The following ZNF385D variants were observed in gnomAD, a reference collection of about 807,000 sequenced individuals.
ZNF385D encodes zinc finger protein 385D, also known as zinc finger protein 659.
A neutral mutation model predicts 35.8 loss-of-function variants in ZNF385D; 15 were observed. The ratio of observed to expected loss-of-function variants is 0.42; its 90% CI spans 0.28 to 0.64. The LOEUF is 0.64. ZNF385D is among the 30% of genes least tolerant of loss of function. The pLI is 0.23. For missense variants in ZNF385D, 474 were observed against 494.6 expected (o/e 0.96, Z 0.39); for synonymous variants, 212 against 186.8 (o/e 1.13, Z -1.10).
At chr3:21,536,153 A>C (rs2062031941) in intron 3 of ZNF385D, among the ~76,000 whole-genome samples, 1 of 152,054 alleles carries the variant, frequency 6.6e-6, no homozygotes, top group African/African-American at 2.4e-5. Context: ...TCGTTTTACT[A>C]TTTCCCTAGC....
At chr3:21,941,714 G>A (rs779559437) in intron 3 of ZNF385D, among the ~76,000 whole-genome samples, 2 of 151,768 alleles carry the variant, frequency 1.3e-5, no homozygotes, top group African/African-American at 4.8e-5. Flanking sequence ...AGCTAGGATG[G>A]TCTCGATCTC....
At chr3:22,319,564 T>C (rs1254255223) in intron 2 of ZNF385D, among the ~76,000 whole-genome samples, 2 of 152,132 alleles carry the variant, frequency 1.3e-5, no homozygotes, top group African/African-American at 4.8e-5. Flanking sequence ...AGATGTCTCA[T>C]TAAAATGCAT....
rs1351898411 is a variant in ZNF385D, at chr3:22,046,432, T to A, written c.325+122385A>T. Among the ~76,000 whole-genome samples the A allele has an allele frequency of 3.3e-5, 5 of 152,146 alleles. No individual in the cohort carries two copies. In the East Asian group the frequency reaches 9.6e-4, roughly 29 times the overall value. On this transcript the variant is annotated intron_variant, in intron 3 of 5. Transcript: ENST00000494108. Reference sequence around the variant, plus strand: ...TATAAAAAAGACATTGTAGATTGGCTAAAATTCCCTTTAAATTGTTTTGCT... The same window carrying A: ...TATAAAAAAGACATTGTAGATTGGCAAAAATTCCCTTTAAATTGTTTTGCT...
upstream of ZNF385D, among the ~76,000 whole-genome samples, chr3:21,754,042 G>T (rs2070229152): frequency 6.6e-6 from 1 of 152,164 alleles, no homozygotes; most frequent in Admixed American, 6.5e-5. Flanking sequence ...AGGTTGAATA[G>T]TATTCCATTA....
chr3:21,520,499 G>A (rs1005689415), intron 3 of ZNF385D, among the ~76,000 whole-genome samples: 1 of 152,110 alleles, frequency 6.6e-6, no homozygotes. Flanking sequence ...TTGGCACTTC[G>A]CCTTATCTGT....
chr3:22,097,492 C>T (rs1701695599), intron 3 of ZNF385D, among the ~76,000 whole-genome samples: 2 of 151,942 alleles, frequency 1.3e-5, no homozygotes, highest in Admixed American at 6.6e-5. Context: ...AAAGTTATCA[C>T]TGACAGTAAG....
intron 3 of ZNF385D, among the ~76,000 whole-genome samples, chr3:21,857,517 C>A (rs767189953): frequency 6.6e-6 from 1 of 151,836 alleles, no homozygotes; most frequent in Non-Finnish European, 1.5e-5. Context: ...TTGTGGTACC[C>A]AGAAATTAGC....
intron 5 of ZNF385D, among the ~76,000 whole-genome samples, chr3:21,435,413 A>G (rs1361001488): frequency 1.3e-5 from 2 of 151,936 alleles, no homozygotes; most frequent in Non-Finnish European, 1.5e-5. Context: ...ACATGCCACC[A>G]TGCCCAGCTA....
chr3:21,478,880 C>T (rs1315937138), intron 4 of ZNF385D, among the ~76,000 whole-genome samples: 1 of 151,870 alleles, frequency 6.6e-6, no homozygotes, highest in Non-Finnish European at 1.5e-5. Flanking sequence ...AATTTAGCAG[C>T]AGGAAAATTT....
intron 3 of ZNF385D, among the ~76,000 whole-genome samples, chr3:21,933,571 A>T (rs1383230222): frequency 1.3e-5 from 2 of 152,210 alleles, no homozygotes; most frequent in Admixed American, 6.5e-5. Flanking sequence ...GCCTAACATG[A>T]TGGCATTTAG....
chr3:21,531,967 G>A (rs1022578686), intron 3 of ZNF385D, among the ~76,000 whole-genome samples: 10 of 152,082 alleles, frequency 6.6e-5, no homozygotes, highest in African/African-American at 1.2e-4. Flanking sequence ...ATTGATAATG[G>A]GTAAAGCTAC....
intron 3 of ZNF385D, among the ~76,000 whole-genome samples, chr3:21,799,941 T>C (rs114455877): frequency 1.9e-4 from 29 of 152,298 alleles, no homozygotes; most frequent in African/African-American, 6.3e-4. Context: ...ATGTGTGAGA[T>C]AGGAATCCAA....
At chr3:22,075,185 T>A (rs369399639) in intron 3 of ZNF385D, among the ~76,000 whole-genome samples, 1 of 152,038 alleles carries the variant, frequency 6.6e-6, no homozygotes, top group Non-Finnish European at 1.5e-5. Flanking sequence ...TGAGACCACT[T>A]ATGGGTAATA....
intron 4 of ZNF385D, among the ~76,000 whole-genome samples, chr3:21,507,257 T>G (rs1706840222): frequency 6.6e-6 from 1 of 152,120 alleles, no homozygotes; most frequent in Non-Finnish European, 1.5e-5. Flanking sequence ...TTCTTCCCCT[T>G]TTCACTATTG....
At chr3:21,515,463 G>T (rs1707500097) in intron 3 of ZNF385D, among the ~76,000 whole-genome samples, 1 of 152,126 alleles carries the variant, frequency 6.6e-6, no homozygotes, top group Non-Finnish European at 1.5e-5. Context: ...AGTTTGTGAT[G>T]TCATGTAATT....
At chr3:21,918,227 G>T (rs1380997750) in intron 3 of ZNF385D, among the ~76,000 whole-genome samples, 2 of 152,208 alleles carry the variant, frequency 1.3e-5, no homozygotes, top group Non-Finnish European at 2.9e-5. Flanking sequence ...TATGGTCTAT[G>T]CTCAGACAGT....
chr3:21,652,767 T>G (rs1040893917), intron 2 of ZNF385D, among the ~76,000 whole-genome samples: 13 of 152,150 alleles, frequency 8.5e-5, no homozygotes, highest in African/African-American at 2.9e-4. Flanking sequence ...GAATGATGGT[T>G]TCCAGTAGTA....
At chr3:21,992,788 T>G (rs1159081255) in intron 3 of ZNF385D, among the ~76,000 whole-genome samples, 1 of 152,204 alleles carries the variant, frequency 6.6e-6, no homozygotes, top group Non-Finnish European at 1.5e-5. Context: ...TCTGTCTTGT[T>G]AAATATTTAT....
chr3:22,300,767 T>C (rs945844627), intron 2 of ZNF385D, among the ~76,000 whole-genome samples: 6 of 151,926 alleles, frequency 3.9e-5, no homozygotes, highest in Non-Finnish European at 8.8e-5. Context: ...AGAATAGCTA[T>C]TATCAAAAAG....
Sources: gnomAD v4.1 joint callset for allele counts (sites outside exome capture counted in the v4.1 genomes callset) on GRCh38, gnomAD v4.1.1 for gene constraint, MANE v1.5 for transcripts, NCBI Gene and HGNC (gene_info 2026-07-23, HGNC 2026-07-21) for gene names.